NTM: variants seen among roughly 807,000 people sequenced by gnomAD.
The protein encoded by NTM is IgLON family member 2.
In NTM, 13 loss-of-function variants were observed where a neutral mutation model predicts 42.1. The ratio of observed to expected loss-of-function variants is 0.31; its 90% confidence interval spans 0.20 to 0.49. The LOEUF (loss-of-function observed/expected upper bound fraction) is 0.49, where lower values mean the gene tolerates loss of function less well. Ranked by LOEUF, NTM falls within the 20% of genes least tolerant of loss-of-function variation. The pLI is 0.99. For synonymous variants in NTM, 187 were observed against 179.2 expected, an observed-to-expected ratio of 1.04 and a Z score of -0.35; for missense variants, 373 against 452.8, an observed-to-expected ratio of 0.82 and a Z score of 1.60.
intron 1 of NTM, among the ~76,000 whole-genome samples, chr11:131,639,695 C>T (rs1235571197): frequency 2.0e-5 from 3 of 152,162 alleles, no homozygotes; most frequent in South Asian, 2.1e-4. Flanking sequence ...CGGTGGCTCA[C>T]GCCTGTAATC....
intron 1 of NTM, among the ~76,000 whole-genome samples, chr11:131,648,425 C>A (rs1278248116): frequency 1.3e-5 from 2 of 152,172 alleles, no homozygotes; most frequent in African/African-American, 4.8e-5. Flanking sequence ...AATCACCACA[C>A]TGTTTTTCAC....
chr11:132,313,602 A>T (rs994626326), intron 6 of NTM, among the ~76,000 whole-genome samples: 3 of 152,216 alleles, frequency 2.0e-5, no homozygotes, highest in African/African-American at 7.2e-5. Context: ...ACATTTCGGA[A>T]TCTTGCAAAG....
At chr11:132,161,370 C>CTTTTTTTTTT (rs55732584) in intron 3 of NTM, among the ~76,000 whole-genome samples, 1 of 64,062 alleles carries the variant, frequency 1.6e-5, no homozygotes, top group Non-Finnish European at 2.6e-5. Flanking sequence ...TTTCGAGCAG[C>CTTTTTTTTTT]TTTTTTTTTT....
intron 2 of NTM, among the ~76,000 whole-genome samples, chr11:132,022,332 A>C (rs1336838406): frequency 6.6e-6 from 1 of 152,218 alleles, no homozygotes; most frequent in Non-Finnish European, 1.5e-5. Flanking sequence ...TCTTGGACAG[A>C]ATATTTGACA....
chr11:132,259,728 G>GT (rs951384766), intron 4 of NTM, among the ~76,000 whole-genome samples: 3 of 151,644 alleles, frequency 2.0e-5, no homozygotes, highest in Admixed American at 6.6e-5. Flanking sequence ...AACTAGGACA[G>GT]TTTTTTGTTT....
chr11:132,040,946 C>T (rs528330672), intron 2 of NTM, among the ~76,000 whole-genome samples: 4 of 152,266 alleles, frequency 2.6e-5, no homozygotes, highest in Non-Finnish European at 2.9e-5. Flanking sequence ...GCTAGCTCCA[C>T]GGTGTTATGA....
chr11:132,237,794 T>C (rs1441725953), intron 4 of NTM, among the ~76,000 whole-genome samples: 1 of 152,154 alleles, frequency 6.6e-6, no homozygotes, highest in Non-Finnish European at 1.5e-5. Flanking sequence ...GATTTGGAGT[T>C]TCATCCTCCC....
chr11:131,758,509 A>T (rs1315378046), intron 1 of NTM, among the ~76,000 whole-genome samples: 1 of 152,062 alleles, frequency 6.6e-6, no homozygotes, highest in Non-Finnish European at 1.5e-5. Context: ...AGTTTGGTAT[A>T]CTTACAGTTT....
chr11:132,108,323 C>T (rs1181345307), intron 2 of NTM, among the ~76,000 whole-genome samples: 1 of 152,192 alleles, frequency 6.6e-6, no homozygotes, highest in African/African-American at 2.4e-5. Flanking sequence ...CCTTGATACT[C>T]TGTTCTCCAA....
At chr11:131,755,352 T>C (rs905507219) in intron 1 of NTM, among the ~76,000 whole-genome samples, 6 of 151,844 alleles carry the variant, frequency 4.0e-5, no homozygotes, top group Non-Finnish European at 8.8e-5. Context: ...GGCAAGGGAG[T>C]GGAAGGGAGA....
intron 1 of NTM, among the ~76,000 whole-genome samples, chr11:131,499,880 T>G (rs1031866865): frequency 6.6e-6 from 1 of 152,234 alleles, no homozygotes; most frequent in African/African-American, 2.4e-5. Context: ...GTCTATTATT[T>G]TGTTTATCTT....
At chr11:131,979,786 A>G (rs2064968590) in intron 2 of NTM, among the ~76,000 whole-genome samples, 1 of 152,262 alleles carries the variant, frequency 6.6e-6, no homozygotes, top group African/African-American at 2.4e-5. Context: ...TGAAATGGCA[A>G]CATTATGGCT....
chr11:132,094,828 A>C (rs1470094335), intron 2 of NTM, among the ~76,000 whole-genome samples: 2 of 152,064 alleles, frequency 1.3e-5, no homozygotes, highest in African/African-American at 4.8e-5. Context: ...TGTGTGCATC[A>C]GTGTGTATGT....
chr11:132,335,313 G>A lies in NTM; in HGVS notation c.*167G>A. 4.1e-6 allele frequency: 3 copies of A among 731,648 alleles called. No individual in the cohort carries two copies. Among genetic ancestry groups the A allele is most frequent in the Non-Finnish European group, 6.4e-6 (3 of 465,608 alleles). The allele number at this position is 731,648 out of a possible 1,614,324, so 45.3% of individuals were successfully genotyped here. A position where few individuals can be genotyped will look rare whatever the true frequency, so the allele number is the denominator to read the frequency against. The stretch of plus-strand genomic sequence containing the variant: ...GGGAGGGGAACAAAGAATACTTTGG[G>A]GGGAAAAAAGTTTTAAAAAAGAAAT... On this transcript the variant is annotated 3_prime_UTR_variant, in exon 9 of 9. Transcript: ENST00000683400.
intron 1 of NTM, among the ~76,000 whole-genome samples, chr11:131,389,524 C>T (rs1435830131): frequency 1.3e-5 from 2 of 152,200 alleles, no homozygotes; most frequent in Admixed American, 6.5e-5. Flanking sequence ...GGCAATCCAC[C>T]CAGGCTTCTA....
At chr11:132,163,755 C>T (rs927535203) in intron 3 of NTM, among the ~76,000 whole-genome samples, 20 of 152,340 alleles carry the variant, frequency 1.3e-4, no homozygotes, top group African/African-American at 4.6e-4. Context: ...CAGAAGCCTC[C>T]TTGGAGGCCA....
intron 4 of NTM, among the ~76,000 whole-genome samples, chr11:132,279,334 T>C (rs1308095500): frequency 6.6e-6 from 1 of 152,238 alleles, no homozygotes; most frequent in Non-Finnish European, 1.5e-5. Context: ...GTCTTTAGAC[T>C]TGGCCTCTGC....
intron 3 of NTM, among the ~76,000 whole-genome samples, chr11:132,204,793 G>A (rs946013306): frequency 5.9e-5 from 9 of 152,078 alleles, no homozygotes; most frequent in Admixed American, 5.2e-4. Flanking sequence ...TGAGAGAAGG[G>A]AGGTCCTAAC....
chr11:132,258,414 G>A (rs199893064), intron 4 of NTM, among the ~76,000 whole-genome samples: 2 of 152,096 alleles, frequency 1.3e-5, no homozygotes, highest in Non-Finnish European at 2.9e-5. Flanking sequence ...GAGGTCGCTC[G>A]ATGTTGCCAA....
Sources: gnomAD v4.1 joint callset for allele counts (sites outside exome capture counted in the v4.1 genomes callset) on GRCh38, gnomAD v4.1.1 for gene constraint, MANE v1.5 for transcripts, NCBI Gene and HGNC (gene_info 2026-07-23, HGNC 2026-07-21) for gene names.